HERC2: variants seen among roughly 807,000 people sequenced by gnomAD.
HERC2 encodes HECT and RLD domain containing E3 ubiquitin protein ligase 2.
Under a neutral mutation model 537.7 loss-of-function variants are expected in HERC2, and 102 were observed. The ratio of observed to expected loss-of-function variants is 0.19; its 90% CI spans 0.16 to 0.22. The LOEUF (loss-of-function observed/expected upper bound fraction) is 0.22, where lower values mean the gene tolerates loss of function less well. HERC2 is among the 10% of genes least tolerant of loss of function. The pLI is 1.00. For missense variants in HERC2, 4,236 were observed against 6,198.2 expected (o/e 0.68, Z 10.63); for synonymous variants, 2,224 against 2,466.2 (o/e 0.90, Z 2.91).
At position 28,179,143 on chromosome 15, in the gene HERC2, T is replaced by C; in HGVS notation, c.9018A>G (p.Ala3006=). Residue 3006 remains alanine, a splice_region_variant and synonymous_variant, in exon 58 of 93, where the codon GCA becomes GCG. Coordinates refer to ENST00000261609, the MANE Select transcript of HERC2 (RefSeq NM_004667.6). ...QVAGGSKSLF[A]VTVEGKVYAC... ...TTTTTAAGATTAGAATAATCATACC[T>C]GCAAACAAACTTTTAGATCCACCAG... The C allele has an allele frequency of 6.2e-7, 1 of 1,611,378 alleles. No individual in the cohort carries two copies. The highest frequency in any genetic ancestry group is 1.7e-5 in the Admixed American group (1 of 59,640).
chr15:28,113,408 T>G lies in HERC2; in HGVS notation c.14020-125A>C. 2.6e-6 allele frequency: 3 copies of G among 1,151,026 alleles called. No homozygotes were observed. The highest frequency in any genetic ancestry group is 3.8e-6 in the Non-Finnish European group (3 of 790,310). 71.3% of individuals were successfully genotyped at this position (1,151,026 alleles called of 1,614,324 possible). ...TGGGGAAAGGTCTGGGGGCTCTGGG[T>G]GGGCCCACACACAGCCTCCTGCAGG... On this transcript the variant is annotated intron_variant, in intron 91 of 92. Transcript: ENST00000261609. This position sits in a 1 kb window ranked among gnomAD's most constrained non-coding sequence, Gnocchi z 7.0.
chr15:28,202,418 A>G lies in HERC2; in HGVS notation c.7409T>C (p.Phe2470Ser). The change falls in exon 46 of 93, where the codon TTT (phenylalanine) becomes TCT (serine). Residue 2470 changes from phenylalanine to serine, a missense_variant. Physicochemically the swap from Phe to Ser is radical, Grantham distance 155. Coordinates refer to ENST00000261609, the MANE Select transcript of HERC2 (RefSeq NM_004667.6). ...PIVVQLMEMGFSRRNIEFALK... is the reference protein window; with the variant it reads ...PIVVQLMEMGSSRRNIEFALK... ...GGCAAACTCGATGTTCCTTCTGGAA[A>G]ATCCCATCTCCATGAGCTGCACCAC... The G allele has an allele frequency of 1.3e-6, 2 of 1,598,248 alleles. No individual in the cohort carries two copies. Among genetic ancestry groups the G allele is most frequent in the Non-Finnish European group, 1.7e-6 (2 of 1,167,882 alleles).
intron 53 of HERC2, 83 bp from the exon 54 acceptor site, chr15:28,191,327 G>C: frequency 1.2e-6 from 1 of 810,534 alleles, no homozygotes; most frequent in Non-Finnish European, 2.0e-6. Flanking sequence ...GTTGAAGCTT[G>C]AATCTACATG....
At chr15:28,245,590 C>CAGATATATATAT (rs1267124403) in intron 23 of HERC2, among the ~76,000 whole-genome samples, 3 of 139,068 alleles carry the variant, frequency 2.2e-5, no homozygotes, top group Non-Finnish European at 5.0e-5. Flanking sequence ...CACACACACA[C>CAGATATATATAT]ACACACACAC....
chr15:28,217,159 C>T (rs540530437), intron 38 of HERC2, among the ~76,000 whole-genome samples: 63 of 152,308 alleles, frequency 4.1e-4, no homozygotes, highest in African/African-American at 1.5e-3. Context: ...CCCTCACTGA[C>T]TTACACTGAC....
intron 33 of HERC2, 43 bp downstream of exon 33, chr15:28,229,417 C>T: frequency 6.2e-7 from 1 of 1,613,502 alleles, no homozygotes; most frequent in Admixed American, 1.7e-5. Flanking sequence ...CATTTTGTTG[C>T]CATAGCTACC....
intron 56 of HERC2, among the ~76,000 whole-genome samples, chr15:28,183,507 C>T (rs1235985998): frequency 2.0e-5 from 3 of 152,138 alleles, no homozygotes; most frequent in African/African-American, 7.2e-5. Flanking sequence ...GCCACCACAC[C>T]CAGCAGGTTA....
intron 2 of HERC2, among the ~76,000 whole-genome samples, chr15:28,318,186 A>T (rs927953149): frequency 2.0e-5 from 3 of 152,170 alleles, no homozygotes; most frequent in Non-Finnish European, 4.4e-5. Flanking sequence ...TTGCTAAAAA[A>T]CTACCAATCA....
At chr15:28,125,885 C>T (rs1196613377) in intron 83 of HERC2, among the ~76,000 whole-genome samples, 3 of 152,190 alleles carry the variant, frequency 2.0e-5, no homozygotes, top group African/African-American at 7.2e-5. Context: ...ATCTCAAGCT[C>T]ACCGCAACCT....
chr15:28,176,656 C>G lies in HERC2; in HGVS notation c.9514+31G>C, dbSNP rs184791219. Reference sequence around the variant, plus strand: ...AGCGTTTCATATCATTCCTACCCACCCAGAAGCACAGAATCCTGCCAGCCA... The same window carrying G: ...AGCGTTTCATATCATTCCTACCCACGCAGAAGCACAGAATCCTGCCAGCCA... On this transcript the variant is annotated intron_variant, in intron 62 of 92. Coordinates refer to ENST00000261609, the MANE Select transcript of HERC2 (RefSeq NM_004667.6). The surrounding 1 kb of genome is among the most constrained non-coding windows in gnomAD (Gnocchi z 5.0). 3.1e-6 allele frequency: 5 copies of G among 1,614,012 alleles called. No individual in the cohort carries two copies. Among genetic ancestry groups the G allele is most frequent in the Non-Finnish European group, 3.4e-6 (4 of 1,179,910 alleles).
intron 2 of HERC2, among the ~76,000 whole-genome samples, chr15:28,311,296 C>G (rs1473950954): frequency 6.6e-6 from 1 of 151,994 alleles, no homozygotes; most frequent in African/African-American, 2.4e-5. Context: ...GAAACTCGGT[C>G]TCTACAAAAA....
At chr15:28,163,402 A>T in intron 68 of HERC2, 117 bp from the exon 69 acceptor site, 5 of 847,110 alleles carry the variant, frequency 5.9e-6, no homozygotes, top group East Asian at 2.6e-5. Flanking sequence ...AGAAACCTGA[A>T]GGTGTTTAAG....
intron 44 of HERC2, among the ~76,000 whole-genome samples, chr15:28,210,104 G>A (rs1254604088): frequency 6.6e-6 from 1 of 151,596 alleles, no homozygotes; most frequent in Non-Finnish European, 1.5e-5. Context: ...TGGGATTACA[G>A]GCGGCCACCA....
rs564113614 is a variant in HERC2, at chr15:28,153,067, G to A, written c.10747-237C>T. Among the ~76,000 whole-genome samples, 15 of 152,318 alleles carry A rather than the reference G, an allele frequency of 9.8e-5. No homozygotes were observed. The South Asian group carries it at 2.1e-3, about 21-fold the overall frequency. ...TAGGGATGATCTATGTTAAAAAGTC[G>A]TTGGGGCCAGGCACGGTGGCTCACG... On this transcript the variant is annotated intron_variant, in intron 69 of 92. Transcript: ENST00000261609.
intron 70 of HERC2, among the ~76,000 whole-genome samples, chr15:28,147,656 T>C (rs1891901498): frequency 6.6e-6 from 1 of 151,880 alleles, no homozygotes; most frequent in South Asian, 2.1e-4. Flanking sequence ...CACCTCATTC[T>C]AAAAGTTGAA....
chr15:28,159,411 T>C (rs1893342761), intron 69 of HERC2, among the ~76,000 whole-genome samples: 2 of 152,202 alleles, frequency 1.3e-5, no homozygotes, highest in Admixed American at 1.3e-4. Context: ...CATAGTCCCA[T>C]ATTTCTTGGA....
rs1898018555 is a variant in HERC2 at position 28,202,483 on chromosome 15, C to T, written c.7344G>A (p.Val2448=). 2.8e-6 allele frequency: 4 copies of T among 1,451,462 alleles called. No individual in the cohort carries two copies. Among genetic ancestry groups the T allele is most frequent in the Non-Finnish European group, 3.8e-6 (4 of 1,047,236 alleles). 89.9% of individuals were successfully genotyped at this position (1,451,462 alleles called of 1,614,324 possible). A position where few individuals can be genotyped will look rare whatever the true frequency, so the allele number is the denominator to read the frequency against. ...VAVQHIRPAR[V]KRRKQSPVPA... ...GAACGGGCGACTGCTTGCGCCTCTT[C>T]ACTCTGGCAGGGCGGATGTGCTGCA... Residue 2448 remains valine (V), a synonymous_variant, in exon 46 of 93, where the codon GTG becomes GTA. Transcript: ENST00000261609.
chr15:28,178,182 A>G (rs1296852380), intron 59 of HERC2, among the ~76,000 whole-genome samples: 1 of 150,952 alleles, frequency 6.6e-6, no homozygotes, highest in Non-Finnish European at 1.5e-5. Context: ...CCCCCAGGAG[A>G]TGGTGACTGA....
At chr15:28,282,244 T>TA (rs1445709882) in intron 4 of HERC2, among the ~76,000 whole-genome samples, 1 of 152,144 alleles carries the variant, frequency 6.6e-6, no homozygotes, top group Non-Finnish European at 1.5e-5. Flanking sequence ...ACAGAAGATT[T>TA]AAGTAAGACC....
Sources: gnomAD v4.1 joint callset for allele counts (sites outside exome capture counted in the v4.1 genomes callset) on GRCh38, gnomAD v4.1.1 for gene constraint, Gnocchi (gnomAD v3.1) non-coding constraint, MANE v1.5 for transcripts, NCBI Gene and HGNC (gene_info 2026-07-23, HGNC 2026-07-21) for gene names.